The following PRKCQ variants were observed in gnomAD, a reference collection of about 807,000 sequenced individuals.
PRKCQ encodes the protein protein kinase C theta type.
In PRKCQ, 41 loss-of-function variants were observed where a neutral mutation model predicts 91.2. The ratio of observed to expected loss-of-function variants is 0.45; its 90% CI spans 0.35 to 0.58. The LOEUF (loss-of-function observed/expected upper bound fraction) is 0.58, where lower values mean the gene tolerates loss of function less well. Among genes scored for constraint, PRKCQ ranks in the 20% least tolerant of loss-of-function variants. The pLI is 0.00. For missense variants in PRKCQ, 673 were observed against 896.5 expected (o/e 0.75, Z 3.18); for synonymous variants, 307 against 316.9 (o/e 0.97, Z 0.33).
At chr10:6,426,996 A>AAAG (rs1833143222), downstream of PRKCQ, 2 of 152,324 alleles carry the variant, frequency 1.3e-5, no homozygotes, top group Admixed American at 6.5e-5. Context: ...TTGGCCTCCC[A>AAAG]AAGTGCTGGG....
Position 6,430,714 on chromosome 10 carries a change from C to T in PRKCQ, c.1965+96G>A, listed in dbSNP as rs1287367449. On this transcript the variant is annotated intron_variant, in intron 17 of 17. Coordinates refer to ENST00000263125, the MANE Select transcript of PRKCQ (RefSeq NM_006257.5). This position sits in a 1 kb window ranked among gnomAD's most constrained non-coding sequence, Gnocchi z 4.7. ...TGGGGCTGGTGGGGAGTTGGGGCAC[C>T]GGCAGGGGTGAGCAGCTGCGGTGAC... is the stretch of plus-strand genomic sequence containing the variant. 2.4e-5 allele frequency: 36 copies of T among 1,522,454 alleles called. No homozygotes were observed. Among genetic ancestry groups the T allele is most frequent in the Middle Eastern group, 1.8e-4 (1 of 5,472 alleles). 94.3% of individuals were successfully genotyped at this position (1,522,454 alleles called of 1,614,324 possible). A position where few individuals can be genotyped will look rare whatever the true frequency, so the allele number is the denominator to read the frequency against.
In PRKCQ at chr10:6,515,124, A is replaced by C; in HGVS notation, c.12T>G (p.Phe4Leu). MSPFLRIGLSNFDC... is the reference protein window; with the variant it reads MSPLLRIGLSNFDC... ...CAAAGTTGGACAAGCCAATCCGAAG[A>C]AATGGCGACATGGTTGCGCCCTGGA... The change falls in exon 2 of 18, where the codon TTT (phenylalanine) becomes TTG (leucine). Residue 4 changes from phenylalanine to leucine, a missense_variant. Physicochemically the swap from Phe to Leu is conservative, Grantham distance 22. Transcript: ENST00000263125. The C allele has an allele frequency of 1.2e-6, 2 of 1,613,748 alleles. No homozygotes were observed. Among genetic ancestry groups the C allele is most frequent in the Non-Finnish European group, 1.7e-6 (2 of 1,179,932 alleles).
chr10:6,461,554 C>T (rs1835351882), intron 14 of PRKCQ, among the ~76,000 whole-genome samples: 2 of 152,156 alleles, frequency 1.3e-5, no homozygotes, highest in South Asian at 2.1e-4. Flanking sequence ...CTCCTCTAAG[C>T]CTTTAGTTGT....
chr10:6,549,766 G>C (rs1315947991), intron 1 of PRKCQ, among the ~76,000 whole-genome samples: 1 of 151,504 alleles, frequency 6.6e-6, no homozygotes, highest in Non-Finnish European at 1.5e-5. Flanking sequence ...GAGTAGCTGA[G>C]ATTACAGGTG....
At chr10:6,550,651 T>G (rs1351543209) in intron 1 of PRKCQ, among the ~76,000 whole-genome samples, 2 of 152,240 alleles carry the variant, frequency 1.3e-5, no homozygotes, top group African/African-American at 4.8e-5. Context: ...ACCTCTTGGC[T>G]ATTGAGAATC....
downstream of PRKCQ, among the ~76,000 whole-genome samples, chr10:6,422,606 C>T (rs559675624): frequency 6.6e-5 from 10 of 152,256 alleles, no homozygotes; most frequent in African/African-American, 9.6e-5. Context: ...CAGAGATTGT[C>T]GTCAGGGGTT....
intron 1 of PRKCQ, among the ~76,000 whole-genome samples, chr10:6,559,582 C>A (rs1024928960): frequency 6.6e-6 from 1 of 152,186 alleles, no homozygotes; most frequent in African/African-American, 2.4e-5. Flanking sequence ...TGGTCTCGAA[C>A]TCCTGACCTC....
chr10:6,421,699 A>G, the PRKCQ span, among the ~76,000 whole-genome samples: 7 of 152,358 alleles, frequency 4.6e-5, no homozygotes, highest in African/African-American at 1.7e-4. This position sits in a 1 kb window ranked among gnomAD's most constrained non-coding sequence, Gnocchi z 4.1. Flanking sequence ...TGCTATAAGA[A>G]AAAGCCTAGA....
intron 12 of PRKCQ, among the ~76,000 whole-genome samples, chr10:6,473,916 C>T (rs1836129233): frequency 1.3e-5 from 2 of 151,506 alleles, no homozygotes; most frequent in African/African-American, 4.9e-5. Flanking sequence ...GTACTTTCTC[C>T]AAAAAAGATC....
chr10:6,410,285 G>A, the PRKCQ span, among the ~76,000 whole-genome samples: 1 of 152,168 alleles, frequency 6.6e-6, no homozygotes, highest in Admixed American at 6.5e-5. Context: ...CATTTATGGG[G>A]TCATTTCAAG....
chr10:6,507,515 G>C lies in PRKCQ; in HGVS notation c.319-19C>G. The C allele has an allele frequency of 6.2e-7, 1 of 1,607,052 alleles. No individual in the cohort carries two copies. Among genetic ancestry groups the C allele is most frequent in the Non-Finnish European group, 8.5e-7 (1 of 1,173,716 alleles). On this transcript the variant is annotated intron_variant, in intron 3 of 17. Transcript: ENST00000263125. The stretch of plus-strand genomic sequence containing the variant: ...GCTCTAACTGGTTGGGAGAAGGAGA[G>C]AAACATCAGTCAGAATGTGAAACAA...
chr10:6,465,210 G>A lies in PRKCQ; in HGVS notation c.1354-806C>T, dbSNP rs1186204403. The stretch of plus-strand genomic sequence containing the variant: ...TGTGGGCGTGGCGTGGGGGGAGTGG[G>A]CGGGTCATGTCAGTCATTCCTCCCT... On this transcript the variant is annotated intron_variant, in intron 12 of 17. Coordinates refer to ENST00000263125, the MANE Select transcript of PRKCQ (RefSeq NM_006257.5). This position sits in a 1 kb window ranked among gnomAD's most constrained non-coding sequence, Gnocchi z 4.4. 2.0e-5 allele frequency among the ~76,000 whole-genome samples: 3 copies of A among 152,128 alleles called. No individual in the cohort carries two copies. Among genetic ancestry groups the A allele is most frequent in the South Asian group, 4.1e-4 (2 of 4,828 alleles).
chr10:6,475,328 G>A (rs1393533532), intron 12 of PRKCQ, among the ~76,000 whole-genome samples: 2 of 152,304 alleles, frequency 1.3e-5, no homozygotes, highest in East Asian at 3.9e-4. Flanking sequence ...TCAGAGCCCT[G>A]TTGATAAACG....
chr10:6,445,525 A>C (rs966409328), intron 15 of PRKCQ, among the ~76,000 whole-genome samples: 1 of 152,218 alleles, frequency 6.6e-6, no homozygotes, highest in African/African-American at 2.4e-5. Flanking sequence ...TGTGAGATCC[A>C]GTGAAAAGTA....
At chr10:6,395,872 G>A in the PRKCQ span, among the ~76,000 whole-genome samples, 1 of 152,046 alleles carries the variant, frequency 6.6e-6, no homozygotes, top group Non-Finnish European at 1.5e-5. Context: ...ATATTTTTCA[G>A]AGGCCAACCT....
At chr10:6,439,391 G>T (rs1295887392) in intron 16 of PRKCQ, among the ~76,000 whole-genome samples, 1 of 152,144 alleles carries the variant, frequency 6.6e-6, no homozygotes, top group African/African-American at 2.4e-5. Flanking sequence ...GGGCAGGTTG[G>T]GGAGAGCTGG....
intron 8 of PRKCQ, among the ~76,000 whole-genome samples, chr10:6,486,995 A>G (rs1836964311): frequency 1.3e-5 from 2 of 152,198 alleles, no homozygotes. Flanking sequence ...AGCTTTGAAA[A>G]AAAAATCACA....
the PRKCQ span, among the ~76,000 whole-genome samples, chr10:6,421,388 G>A: frequency 6.6e-6 from 1 of 152,210 alleles, no homozygotes; most frequent in African/African-American, 2.4e-5. The surrounding 1 kb of genome is among the most constrained non-coding windows in gnomAD (Gnocchi z 4.1). Flanking sequence ...GGGAGGCTGA[G>A]ATTGGAGGAT....
chr10:6,426,707 C>CTATT (rs1435214524), downstream of PRKCQ, among the ~76,000 whole-genome samples: 3 of 152,192 alleles, frequency 2.0e-5, no homozygotes, highest in East Asian at 3.8e-4. Context: ...ATTAATTATT[C>CTATT]TATTTTAAAT....
Sources: gnomAD v4.1 joint callset for allele counts (sites outside exome capture counted in the v4.1 genomes callset) on GRCh38, gnomAD v4.1.1 for gene constraint, Gnocchi (gnomAD v3.1) non-coding constraint, MANE v1.5 for transcripts, NCBI Gene and HGNC (gene_info 2026-07-23, HGNC 2026-07-21) for gene names.